Variants in AGPAT3 observed in about 807,000 individuals in gnomAD.
The protein encoded by AGPAT3 is 1-acylglycerol-3-phosphate O-acyltransferase 3.
A neutral mutation model predicts 47.3 loss-of-function variants in AGPAT3; 5 were observed. The observed-to-expected ratio is 0.11, with a 90% CI of 0.06 to 0.22. The LOEUF is 0.22. AGPAT3 is among the 10% of genes least tolerant of loss of function. AGPAT3 has a pLI of 1.00. For missense variants in AGPAT3, 315 were observed against 493.0 expected (o/e 0.64, Z 3.42); for synonymous variants, 212 against 208.3 (o/e 1.02, Z -0.15).
chr21:43,969,390 C>T, intron 5 of AGPAT3, 111 bp downstream of exon 5: 1 of 1,391,310 alleles, frequency 7.2e-7, no homozygotes, highest in Non-Finnish European at 9.9e-7. Context: ...AGCCTCTGCA[C>T]ATGGGGTGCT....
chr21:43,949,942 A>C (rs1036884443), intron 2 of AGPAT3, among the ~76,000 whole-genome samples: 3 of 152,158 alleles, frequency 2.0e-5, no homozygotes, highest in East Asian at 3.9e-4. Flanking sequence ...CTGGGCTGCA[A>C]ACTTGCATCC....
At chr21:43,949,663 G>T (rs2088089099) in intron 2 of AGPAT3, among the ~76,000 whole-genome samples, 1 of 152,252 alleles carries the variant, frequency 6.6e-6, no homozygotes, top group Non-Finnish European at 1.5e-5. Context: ...AGGGGTGGTT[G>T]CAGCCTGGTC....
chr21:43,978,114 A>T lies in AGPAT3; in HGVS notation c.836A>T (p.Gln279Leu). The T allele has an allele frequency of 6.2e-7, 1 of 1,613,338 alleles. No individual in the cohort carries two copies. The highest frequency in any genetic ancestry group is 1.1e-5 in the South Asian group (1 of 90,956). ...EAAQWLHKLY[Q>L]EKDALQEIYN... ...GCTCAGTGGCTTCATAAACTGTACC[A>T]GGAGAAGGTAAGCAGGCTCTGCTCC... The change falls in exon 8 of 10, where the codon CAG becomes CTG. Residue 279 changes from glutamine (Q) to leucine (L), a missense_variant. Coordinates refer to ENST00000291572, the MANE Select transcript of AGPAT3 (RefSeq NM_020132.5).
intron 1 of AGPAT3, among the ~76,000 whole-genome samples, chr21:43,885,610 C>G (rs1015633757): frequency 3.9e-5 from 6 of 152,126 alleles, no homozygotes; most frequent in Non-Finnish European, 5.9e-5. Context: ...TCTCAAACTC[C>G]TGACCTCAAG....
At chr21:43,953,668 G>GAC in intron 2 of AGPAT3, among the ~76,000 whole-genome samples, 1 of 152,232 alleles carries the variant, frequency 6.6e-6, no homozygotes, top group Non-Finnish European at 1.5e-5. Context: ...CTGTCCAGAA[G>GAC]AGCTTTTTTT....
rs935295403 is a variant in AGPAT3, at chr21:43,930,913, G to T, written c.-49+26894G>T. 2.0e-5 allele frequency among the ~76,000 whole-genome samples: 3 copies of T among 152,186 alleles called. No homozygotes were observed. The highest frequency in any genetic ancestry group is 4.8e-5 in the African/African-American group (2 of 41,446). Reference sequence around the variant, plus strand: ...CTTCCTTCCTGCATGTTCCTGTTCCGCATTACAGATTGTTTTTATGGCCCC... The same window carrying T: ...CTTCCTTCCTGCATGTTCCTGTTCCTCATTACAGATTGTTTTTATGGCCCC... On this transcript the variant is annotated intron_variant, in intron 2 of 9. Transcript: ENST00000291572. The surrounding 1 kb of genome is among the most constrained non-coding windows in gnomAD (Gnocchi z 5.0).
At chr21:43,945,289 A>G (rs2087834968) in intron 2 of AGPAT3, among the ~76,000 whole-genome samples, 1 of 152,106 alleles carries the variant, frequency 6.6e-6, no homozygotes, top group Non-Finnish European at 1.5e-5. Context: ...TCTGTGTGCG[A>G]TTTCAGGAGA....
intron 1 of AGPAT3, among the ~76,000 whole-genome samples, chr21:43,897,812 C>A (rs1163886369): frequency 3.3e-5 from 5 of 152,168 alleles, no homozygotes; most frequent in Non-Finnish European, 5.9e-5. Context: ...GAGGTTGTAG[C>A]GAGCCGAGAT....
At chr21:43,917,166 A>C (rs1286371214) in intron 2 of AGPAT3, among the ~76,000 whole-genome samples, 18 of 139,056 alleles carry the variant, frequency 1.3e-4, no homozygotes, top group African/African-American at 1.3e-4. Context: ...CACGGTAAGC[A>C]CCCCCGCCCC....
At chr21:43,975,801 G>A (rs964835833) in intron 7 of AGPAT3, among the ~76,000 whole-genome samples, 1 of 152,130 alleles carries the variant, frequency 6.6e-6, no homozygotes, top group Admixed American at 6.5e-5. Flanking sequence ...AAAGGTCCAC[G>A]ATGAGCCCAG....
chr21:43,941,012 T>C (rs2087635774), intron 2 of AGPAT3, among the ~76,000 whole-genome samples: 1 of 152,254 alleles, frequency 6.6e-6, no homozygotes, highest in Admixed American at 6.5e-5. Flanking sequence ...TGCCGCCTGC[T>C]GTTTCTGCAG....
rs539602482 is a variant in AGPAT3, at chr21:43,979,064, G to A, written c.843+943G>A. On this transcript the variant is annotated intron_variant, in intron 8 of 9. Coordinates refer to ENST00000291572, the MANE Select transcript of AGPAT3 (RefSeq NM_020132.5). ...TGTAATCCCAGCACTTTGGGAGGCCGAGGTGGGCAGATCACCTGAGGTCAG... is the reference window on the plus strand; with the variant it reads ...TGTAATCCCAGCACTTTGGGAGGCCAAGGTGGGCAGATCACCTGAGGTCAG... 5.3e-5 allele frequency among the ~76,000 whole-genome samples: 8 copies of A among 152,230 alleles called. No individual in the cohort carries two copies. The South Asian group carries it at 1.7e-3, about 32-fold the overall frequency.
At chr21:43,935,118 G>A (rs1259526375) in intron 2 of AGPAT3, among the ~76,000 whole-genome samples, 1 of 152,266 alleles carries the variant, frequency 6.6e-6, no homozygotes, top group South Asian at 2.1e-4. Context: ...GAGAGCGTGA[G>A]GAAGCAGTGG....
intron 1 of AGPAT3, among the ~76,000 whole-genome samples, chr21:43,873,669 C>T (rs542571654): frequency 3.9e-5 from 6 of 152,288 alleles, no homozygotes; most frequent in East Asian, 3.9e-4. Context: ...TGAGCCACTG[C>T]GCCCAGCCCA....
intron 2 of AGPAT3, among the ~76,000 whole-genome samples, chr21:43,927,949 C>T (rs1156723910): frequency 6.6e-6 from 1 of 152,210 alleles, no homozygotes; most frequent in Non-Finnish European, 1.5e-5. Flanking sequence ...GAACGCCTTG[C>T]CCCAAATTCT....
chr21:43,876,601 A>G (rs1339078326), intron 1 of AGPAT3, among the ~76,000 whole-genome samples: 1 of 152,208 alleles, frequency 6.6e-6, no homozygotes, highest in Non-Finnish European at 1.5e-5. Flanking sequence ...AGATTGAAGA[A>G]ATTGCTGATG....
At chr21:43,936,473 G>C (rs546020448) in intron 2 of AGPAT3, among the ~76,000 whole-genome samples, 2 of 152,244 alleles carry the variant, frequency 1.3e-5, no homozygotes, top group Admixed American at 6.5e-5. Flanking sequence ...AGAATGGCCT[G>C]GGAGTCAAAG....
intron 3 of AGPAT3, 121 bp from the exon 4 acceptor site, chr21:43,967,825 C>A: frequency 9.8e-7 from 1 of 1,015,708 alleles, no homozygotes; most frequent in Non-Finnish European, 1.4e-6. Flanking sequence ...GTCATCAAAA[C>A]TCATGTTTAG....
At chr21:43,979,014 T>C (rs2089732220) in intron 8 of AGPAT3, among the ~76,000 whole-genome samples, 1 of 151,786 alleles carries the variant, frequency 6.6e-6, no homozygotes, top group African/African-American at 2.4e-5. Flanking sequence ...ATAAGGGAAA[T>C]CGGTCGGGTG....
Sources: allele counts gnomAD v4.1 joint callset (sites outside exome capture counted in the v4.1 genomes callset), GRCh38; gene constraint gnomAD v4.1.1; non-coding constraint Gnocchi (gnomAD v3.1); transcripts MANE v1.5; gene names NCBI Gene and HGNC (gene_info 2026-07-23, HGNC 2026-07-21).